The following NPNT variants were observed in gnomAD, a reference collection of about 807,000 sequenced individuals.
NPNT encodes the protein nephronectin.
In NPNT, 45 loss-of-function variants were observed where a neutral mutation model predicts 68.6. That is an observed-to-expected ratio of 0.66 (90% CI 0.52 to 0.84). The LOEUF is 0.84. Ranked by LOEUF, NPNT falls within the 40% of genes least tolerant of loss-of-function variation. NPNT has a pLI of 0.00. For missense variants in NPNT, 672 were observed against 714.8 expected, an observed-to-expected ratio of 0.94 and a Z score of 0.68; for synonymous variants, 233 against 253.3, an observed-to-expected ratio of 0.92 and a Z score of 0.76.
rs1490295827 is a variant in NPNT at position 105,959,472 on chromosome 4, TC to T, written c.1345+347del. On this transcript the variant is annotated intron_variant, in intron 10 of 11. Coordinates refer to ENST00000379987, the MANE Select transcript of NPNT (RefSeq NM_001033047.3). ...ATAAAAGAAGTAATATAGTGGTATA[TC>T]AGCCATGGTAATAGGCATTCCCCAG... Among the ~76,000 whole-genome samples, 4 of 151,870 alleles carry T rather than the reference TC, an allele frequency of 2.6e-5. No individual in the cohort carries two copies. The East Asian group carries it at 7.7e-4, about 29-fold the overall frequency.
chr4:105,898,328 GTCTCTCTCTCTCTCTC>G (rs66945682), intron 2 of NPNT, among the ~76,000 whole-genome samples: 91 of 53,988 alleles, frequency 1.7e-3, no homozygotes, highest in East Asian at 0.016. Flanking sequence ...CTCTCTCTCT[GTCTCTCTCTCTCTCTC>G]TCTCTCTCTC....
intron 10 of NPNT, among the ~76,000 whole-genome samples, chr4:105,959,523 CTTTTTTTTTTTTTT>C (rs1014448942): frequency 2.0e-3 from 255 of 129,622 alleles, no homozygotes; most frequent in Non-Finnish European, 3.7e-3. Context: ...TTTTTCTTTT[CTTTTTTTTTTTTTT>C]TTAAGATTTG....
intron 3 of NPNT, among the ~76,000 whole-genome samples, chr4:105,930,254 C>T (rs767749757): frequency 8.5e-5 from 13 of 152,188 alleles, no homozygotes; most frequent in Non-Finnish European, 1.5e-4. Context: ...AAGTGACTTG[C>T]ACATGGTAAA....
At chr4:105,937,880 C>T (rs186441909) in intron 4 of NPNT, among the ~76,000 whole-genome samples, 239 of 152,236 alleles carry the variant, frequency 1.6e-3, no homozygotes, top group African/African-American at 5.4e-3. Flanking sequence ...TTTTATTTAA[C>T]ATTGCATAAG....
intron 2 of NPNT, among the ~76,000 whole-genome samples, chr4:105,914,200 CTA>C (rs756324208): frequency 3.1e-4 from 44 of 144,012 alleles, no homozygotes; most frequent in African/African-American, 7.2e-4. Flanking sequence ...TCAGTTGATA[CTA>C]TATATATATA....
chr4:105,956,149 T>C (rs1360549938), intron 8 of NPNT, among the ~76,000 whole-genome samples: 1 of 109,216 alleles, frequency 9.2e-6, no homozygotes, highest in African/African-American at 2.5e-5. Context: ...TGCCATCTTC[T>C]AACTGTATGA....
chr4:105,911,994 G>GT (rs1361755515), intron 2 of NPNT: 12 of 546,054 alleles, frequency 2.2e-5, no homozygotes, highest in Non-Finnish European at 2.6e-5. Context: ...GTTATGAAAT[G>GT]TTTTTTTATA....
intron 5 of NPNT, among the ~76,000 whole-genome samples, chr4:105,939,373 G>C (rs58658784): frequency 0.023 from 3,508 of 152,280 alleles, 126 homozygotes; most frequent in African/African-American, 0.079. Flanking sequence ...TTTCAAGGAA[G>C]AAGGTCCATG....
chr4:105,955,276 T>G (rs1731131158), intron 8 of NPNT, among the ~76,000 whole-genome samples: 1 of 152,196 alleles, frequency 6.6e-6, no homozygotes, highest in Admixed American at 6.5e-5. Context: ...TCTATCCTGG[T>G]TATAGTTCAT....
chr4:105,933,600 G>A (rs1369437375), intron 3 of NPNT, among the ~76,000 whole-genome samples: 4 of 152,114 alleles, frequency 2.6e-5, no homozygotes, highest in South Asian at 2.1e-4. Flanking sequence ...GACATTGCCC[G>A]ATTTAAGCAC....
At chr4:105,936,192 A>G (rs899375737) in intron 3 of NPNT, among the ~76,000 whole-genome samples, 6 of 152,256 alleles carry the variant, frequency 3.9e-5, no homozygotes, top group African/African-American at 1.4e-4. Context: ...CCTGAAATAC[A>G]TGACAGTCTA....
chr4:105,922,133 C>G (rs1728304780), intron 2 of NPNT, among the ~76,000 whole-genome samples: 1 of 152,042 alleles, frequency 6.6e-6, no homozygotes, highest in Non-Finnish European at 1.5e-5. Flanking sequence ...TCTCAAGTTA[C>G]TAACTACCAT....
Position 105,938,568 on chromosome 4 carries a change from GA to G in NPNT, c.505+149del, listed in dbSNP as rs1368844757. 7.2e-6 allele frequency: 6 copies of G among 831,454 alleles called. No individual in the cohort carries two copies. The African/African-American group carries it at 1.1e-4, about 15-fold the overall frequency. 51.5% of individuals were successfully genotyped at this position (831,454 alleles called of 1,614,324 possible). On this transcript the variant is annotated intron_variant, in intron 5 of 11. Transcript: ENST00000379987. ...GAAGATATCAGATGTCTCAGAAGAGGACATCTCTGTGAATGGATAATGGGAG... is the reference window on the plus strand; with the variant it reads ...GAAGATATCAGATGTCTCAGAAGAGGCATCTCTGTGAATGGATAATGGGAG...
At chr4:105,954,433 A>G (rs1039764164) in intron 8 of NPNT, among the ~76,000 whole-genome samples, 1 of 152,198 alleles carries the variant, frequency 6.6e-6, no homozygotes, top group Non-Finnish European at 1.5e-5. Context: ...TAATTCCCCT[A>G]TGACACCCAC....
intron 3 of NPNT, 128 bp from the exon 4 acceptor site, chr4:105,936,881 G>A (rs1248217140): frequency 9.0e-6 from 8 of 893,014 alleles, no homozygotes; most frequent in Non-Finnish European, 1.3e-5. Flanking sequence ...TATCTCTTAT[G>A]TAAATGACAG....
chr4:105,907,338 A>T (rs991341220), intron 2 of NPNT, among the ~76,000 whole-genome samples: 1 of 152,158 alleles, frequency 6.6e-6, no homozygotes, highest in African/African-American at 2.4e-5. Flanking sequence ...AAAAATTATG[A>T]CTCAATGCAT....
intron 11 of NPNT, among the ~76,000 whole-genome samples, chr4:105,967,967 T>C (rs1732307037): frequency 6.6e-6 from 1 of 152,176 alleles, no homozygotes; most frequent in Non-Finnish European, 1.5e-5. Context: ...TGGAAAGCAC[T>C]ATTCTATTCA....
intron 8 of NPNT, among the ~76,000 whole-genome samples, chr4:105,949,897 G>A (rs1730683251): frequency 6.6e-6 from 1 of 152,118 alleles, no homozygotes; most frequent in South Asian, 2.1e-4. Context: ...TAGTAACCAT[G>A]AGTATATCCT....
At chr4:105,933,765 C>T (rs866374645) in intron 3 of NPNT, among the ~76,000 whole-genome samples, 5 of 152,216 alleles carry the variant, frequency 3.3e-5, no homozygotes, top group Non-Finnish European at 7.4e-5. Flanking sequence ...AATAATAATG[C>T]TGTGCAGCTT....
Sources: allele counts gnomAD v4.1 joint callset (sites outside exome capture counted in the v4.1 genomes callset), GRCh38; gene constraint gnomAD v4.1.1; transcripts MANE v1.5; gene names NCBI Gene and HGNC (gene_info 2026-07-23, HGNC 2026-07-21).